The following WDCP variants were observed in gnomAD, a reference collection of about 807,000 sequenced individuals.
WDCP encodes WD repeat and coiled-coil-containing protein.
A neutral mutation model predicts 41.6 loss-of-function variants in WDCP; 19 were observed. The ratio of observed to expected loss-of-function variants is 0.46; its 90% CI spans 0.32 to 0.67. The LOEUF (loss-of-function observed/expected upper bound fraction) is 0.67. WDCP is among the 30% of genes least tolerant of loss of function. The pLI is 0.04. For missense variants in WDCP, 802 were observed against 850.7 expected (o/e 0.94, Z 0.71); for synonymous variants, 302 against 320.8 (o/e 0.94, Z 0.63).
chr2:24,047,174 GC>G (rs1438034303), intron 1 of WDCP, 139 bp downstream of exon 1: 4 of 151,112 alleles, frequency 2.6e-5, no homozygotes, highest in African/African-American at 9.8e-5. Context: ...CACGCGGCCC[GC>G]CCCATTCTCC....
intron 1 of WDCP, among the ~76,000 whole-genome samples, chr2:24,041,081 G>A (rs1009597559): frequency 6.7e-6 from 1 of 149,994 alleles, no homozygotes. Context: ...GCTCATGCTT[G>A]TAATCCCAGC....
intron 2 of WDCP, among the ~76,000 whole-genome samples, chr2:24,037,007 A>G: frequency 6.6e-6 from 1 of 152,274 alleles, no homozygotes; most frequent in Admixed American, 6.5e-5. Flanking sequence ...GAAATGCATC[A>G]AAACATTTTA....
chr2:24,042,771 G>A (rs1663489239), intron 1 of WDCP, among the ~76,000 whole-genome samples: 1 of 151,706 alleles, frequency 6.6e-6, no homozygotes, highest in African/African-American at 2.4e-5. Flanking sequence ...GGCGGCTCAC[G>A]CCTGTAATCC....
Position 24,038,074 on chromosome 2 carries a change from T to C in WDCP, c.1421A>G (p.Gln474Arg). 1 of 1,614,128 alleles carries C rather than the reference T, an allele frequency of 6.2e-7. No homozygotes were observed. The highest frequency in any genetic ancestry group is 2.2e-5 in the East Asian group (1 of 44,886). ...IESLSPDFCH[Q>R]NKGLLLTVNT... ...AACTGTCAGCAACAGCCCTTTGTTT[T>C]GGTGACAAAAATCTGGGGAAAGACT... Residue 474 changes from glutamine (Q) to arginine (R), a missense_variant, in exon 2 of 4, where the codon CAA becomes CGA. Coordinates refer to ENST00000295148, the MANE Select transcript of WDCP (RefSeq NM_025203.3).
intron 3 of WDCP, among the ~76,000 whole-genome samples, chr2:24,032,213 CA>C (rs1663116735): frequency 6.6e-6 from 1 of 152,076 alleles, no homozygotes; most frequent in African/African-American, 2.4e-5. Flanking sequence ...TATCTACAAA[CA>C]TTTTTTTTAA....
chr2:24,038,910 G>C lies in WDCP; in HGVS notation c.585C>G (p.Ser195=). The change falls in exon 2 of 4, where the codon TCC becomes TCG. Residue 195 remains serine (S), a synonymous_variant. Transcript: ENST00000295148. ...DSAQKTLHRC[S]SCLVFDVDSH... ...TGTCCACATCAAACACCAGGCAGGA[G>C]GAGCACCTGTGAAGAGTCTTCTGAG... 1.2e-6 allele frequency: 2 copies of C among 1,614,224 alleles called. No homozygotes were observed. The highest frequency in any genetic ancestry group is 1.7e-6 in the Non-Finnish European group (2 of 1,180,028).
At position 24,037,858 on chromosome 2, in the gene WDCP, T is replaced by C. The variant is rs201244599; in HGVS notation, c.1637A>G (p.Lys546Arg). 377 of 1,614,108 alleles carry C rather than the reference T, an allele frequency of 2.3e-4. 1 individual carries two copies. The highest frequency in any genetic ancestry group is 7.0e-5 in the Non-Finnish European group (83 of 1,180,046). Residue 546 changes from lysine to arginine, a missense_variant, in exon 2 of 4, where the codon AAG (lysine) becomes AGG (arginine). By Grantham distance (26) the Lys-to-Arg change is conservative (BLOSUM62 2). Around this residue, in one of 5 missense-constraint regions of WDCP, gnomAD observed 321 missense variants for 305.1 expected, o/e 1.05. Coordinates refer to ENST00000295148, the MANE Select transcript of WDCP (RefSeq NM_025203.3). ...AGTTTCCTTTTCACTTTGTAAGTTCTTTCTTTGAGGCAAACGAGGAGGCTC... is the reference window on the plus strand; with the variant it reads ...AGTTTCCTTTTCACTTTGTAAGTTCCTTCTTTGAGGCAAACGAGGAGGCTC... The part of the protein sequence containing the change: ...TLEPPRLPQR[K>R]NLQSEKETYQ...
At chr2:24,031,522 A>C (rs1262095598) in intron 3 of WDCP, among the ~76,000 whole-genome samples, 1 of 152,100 alleles carries the variant, frequency 6.6e-6, no homozygotes, top group African/African-American at 2.4e-5. Flanking sequence ...TAGAATGGCA[A>C]CTCCTCAAAG....
intron 1 of WDCP, among the ~76,000 whole-genome samples, chr2:24,041,947 C>T (rs945563304): frequency 9.3e-5 from 14 of 150,714 alleles, no homozygotes; most frequent in Non-Finnish European, 2.1e-4. Context: ...TGAATACTCA[C>T]TTTGAAATAT....
intron 1 of WDCP, among the ~76,000 whole-genome samples, chr2:24,040,477 T>C (rs1247311811): frequency 6.6e-6 from 1 of 152,222 alleles, no homozygotes; most frequent in Non-Finnish European, 1.5e-5. Flanking sequence ...TTAGCACTTA[T>C]TTCAAATCCT....
Position 24,031,166 on chromosome 2 carries a change from C to T in WDCP, c.1937-4G>A. On this transcript the variant is annotated splice_polypyrimidine_tract_variant and splice_region_variant and intron_variant, in intron 3 of 3. Coordinates refer to ENST00000295148, the MANE Select transcript of WDCP (RefSeq NM_025203.3). ...GAGAGAAGAATCCAGTGGGAATCTG[C>T]AAATAAAAATAAATACACAGGCAAT... The T allele has an allele frequency of 6.2e-7, 1 of 1,600,366 alleles. No individual in the cohort carries two copies. The highest frequency in any genetic ancestry group is 8.6e-7 in the Non-Finnish European group (1 of 1,169,494).
Position 24,038,244 on chromosome 2 carries a change from T to C in WDCP, c.1251A>G (p.Ser417=). The part of the protein sequence containing the change: ...KLTDTTFLPS[S]KSDQYAISLI... Reference sequence around the variant, plus strand: ...AGCTAATGGCATACTGATCAGACTTTGAAGAAGGAAGAAATGTTGTATCAG... The same window carrying C: ...AGCTAATGGCATACTGATCAGACTTCGAAGAAGGAAGAAATGTTGTATCAG... Residue 417 remains serine (S), a synonymous_variant, in exon 2 of 4, where the codon TCA becomes TCG. Transcript: ENST00000295148. The C allele has an allele frequency of 2.5e-6, 4 of 1,614,190 alleles. No homozygotes were observed. The highest frequency in any genetic ancestry group is 1.7e-5 in the Admixed American group (1 of 60,028).
intron 1 of WDCP, among the ~76,000 whole-genome samples, chr2:24,045,527 G>A (rs1663583587): frequency 6.6e-6 from 1 of 151,370 alleles, no homozygotes; most frequent in Admixed American, 6.6e-5. Context: ...CTTGAACCCG[G>A]CTGGCGGAGG....
Position 24,030,598 on chromosome 2 carries a change from GCTTTGGA to G in WDCP, c.*328_*334del, listed in dbSNP as rs1663073236. 4.4e-6 allele frequency: 1 copy of G among 227,226 alleles called. No individual in the cohort carries two copies. The highest frequency in any genetic ancestry group is 1.0e-4 in the South Asian group (1 of 9,710). 14.1% of individuals were successfully genotyped at this position (227,226 alleles called of 1,614,324 possible). On this transcript the variant is annotated 3_prime_UTR_variant, in exon 4 of 4. Coordinates refer to ENST00000295148, the MANE Select transcript of WDCP (RefSeq NM_025203.3). Reference sequence around the variant, plus strand: ...GTGCTCCTAAGACAGCTTCAATGCAGCTTTGGACAAGGGACACAAAGCCTCAGAGAAA... The same window carrying G: ...GTGCTCCTAAGACAGCTTCAATGCAGCAAGGGACACAAAGCCTCAGAGAAA...
chr2:24,035,743 T>C (rs1663225117), intron 2 of WDCP, among the ~76,000 whole-genome samples: 1 of 150,698 alleles, frequency 6.6e-6, no homozygotes, highest in Admixed American at 6.6e-5. Flanking sequence ...AGCAAGACCT[T>C]GTCTCTATAG....
Position 24,039,256 on chromosome 2 carries a change from T to A in WDCP, c.239A>T (p.Gln80Leu). Reference protein sequence around the residue: ...ADDTPVLLAVQHEKHVTVWQL... With the variant: ...ADDTPVLLAVLHEKHVTVWQL... ...CCACACAGTGACATGCTTCTCATGC[T>A]GGACAGCGAGTAGAACAGGTGTATC... Residue 80 changes from glutamine (Q) to leucine (L), a missense_variant, in exon 2 of 4, where the codon CAG becomes CTG. Coordinates refer to ENST00000295148, the MANE Select transcript of WDCP (RefSeq NM_025203.3). The A allele has an allele frequency of 6.2e-7, 1 of 1,614,242 alleles. No homozygotes were observed. The highest frequency in any genetic ancestry group is 8.5e-7 in the Non-Finnish European group (1 of 1,180,050).
At chr2:24,036,443 C>G (rs1351400292) in intron 2 of WDCP, among the ~76,000 whole-genome samples, 2 of 149,786 alleles carry the variant, frequency 1.3e-5, no homozygotes, top group Admixed American at 6.7e-5. Flanking sequence ...TGGTGACATA[C>G]GAGGAAAAGG....
chr2:24,037,887 T>G lies in WDCP; in HGVS notation c.1608A>C (p.Thr536=). Residue 536 remains threonine (T), a synonymous_variant, in exon 2 of 4, where the codon ACA becomes ACC. Coordinates refer to ENST00000295148, the MANE Select transcript of WDCP (RefSeq NM_025203.3). ...TTTGAGGCAAACGAGGAGGCTCCAG[T>G]GTGCTGGTGTGGTCTGGTGTGCTGC... The part of the protein sequence containing the change: ...RHSSTPDHTS[T]LEPPRLPQRK... 1 of 1,614,050 alleles carries G rather than the reference T, an allele frequency of 6.2e-7. No individual in the cohort carries two copies. The highest frequency in any genetic ancestry group is 8.5e-7 in the Non-Finnish European group (1 of 1,180,030).
At chr2:24,032,735 G>A (rs895155105) in intron 3 of WDCP, 94 bp downstream of exon 3, 1 of 750,958 alleles carries the variant, frequency 1.3e-6, no homozygotes, top group East Asian at 2.5e-5. Context: ...TTACTGAATG[G>A]TTGGTATCCC....
Sources: allele counts gnomAD v4.1 joint callset (sites outside exome capture counted in the v4.1 genomes callset), GRCh38; gene constraint gnomAD v4.1.1; regional missense constraint gnomAD v4.1.1; transcripts MANE v1.5; gene names NCBI Gene and HGNC (gene_info 2026-07-23, HGNC 2026-07-21).